The following CSF1R variants were observed in gnomAD, a reference collection of about 807,000 sequenced individuals.
The protein encoded by CSF1R is macrophage colony-stimulating factor 1 receptor.
In CSF1R, 40 loss-of-function variants were observed where a neutral mutation model predicts 110.0. The observed-to-expected ratio is 0.36, with a 90% CI of 0.28 to 0.47. CSF1R has a LOEUF of 0.47. Among genes scored for constraint, CSF1R ranks in the 20% least tolerant of loss-of-function variants. CSF1R has a pLI of 0.99. For synonymous variants in CSF1R, 523 were observed against 503.4 expected (o/e 1.04, Z -0.52); for missense variants, 1,052 against 1,253.0 (o/e 0.84, Z 2.42).
intron 9 of CSF1R, among the ~76,000 whole-genome samples, chr5:150,069,476 C>G (rs1757934098): frequency 6.6e-6 from 1 of 152,266 alleles, no homozygotes; most frequent in East Asian, 1.9e-4. Context: ...TGGACTGTTT[C>G]CTTGCTCATT....
chr5:150,054,922 T>G, intron 19 of CSF1R: 1 of 293,618 alleles, frequency 3.4e-6, no homozygotes, highest in Middle Eastern at 1.1e-3. Context: ...CCCTGAAGAT[T>G]GAGGCTGCAG....
rs868309340 is a variant in CSF1R at position 150,057,664 on chromosome 5, A to C, written c.2133-72T>G. The C allele has an allele frequency of 2.5e-5, 28 of 1,108,686 alleles. No individual in the cohort carries two copies. The Middle Eastern group carries it at 2.1e-3, about 83-fold the overall frequency. The allele number at this position is 1,108,686 out of a possible 1,614,324, so 68.7% of individuals were successfully genotyped here. A position where few individuals can be genotyped will look rare whatever the true frequency, so the allele number is the denominator to read the frequency against. On this transcript the variant is annotated intron_variant, in intron 14 of 20. Coordinates refer to ENST00000675795, the MANE Select transcript of CSF1R (RefSeq NM_001288705.3). The stretch of plus-strand genomic sequence containing the variant: ...GCACTGCTCAGCTCAGGCCTTGACC[A>C]CCCACCACCCCATGGTCAACTGGAA...
At chr5:150,098,458 G>A (rs1581346463) in intron 1 of CSF1R, 1 of 152,844 alleles carries the variant, frequency 6.5e-6, no homozygotes, top group Non-Finnish European at 1.5e-5. Flanking sequence ...CCAGTTACAG[G>A]TTTCTTTGTT....
intron 1 of CSF1R, among the ~76,000 whole-genome samples, chr5:150,093,283 T>G (rs550751943): frequency 3.3e-4 from 50 of 152,302 alleles, no homozygotes; most frequent in Non-Finnish European, 6.3e-4. Context: ...TTCACCATGT[T>G]GGCTAAGCTG....
intron 1 of CSF1R, 125 bp from the exon 2 acceptor site, chr5:150,081,149 C>A: frequency 9.5e-7 from 1 of 1,051,076 alleles, no homozygotes; most frequent in Non-Finnish European, 1.4e-6. Context: ...CCACCTTGAA[C>A]GAGCCCCTGC....
At position 150,057,229 on chromosome 5, in the gene CSF1R, C is replaced by T. The variant is rs577596858; in HGVS notation, c.2319+58G>A. ...TTCCTCCTCCCCATCGTCACTCATC[C>T]AGCCTCCCCGGAGCACAGACCTGGG... On this transcript the variant is annotated intron_variant, in intron 16 of 20. Coordinates refer to ENST00000675795, the MANE Select transcript of CSF1R (RefSeq NM_001288705.3). The T allele has an allele frequency of 2.0e-6, 3 of 1,492,482 alleles. No individual in the cohort carries two copies. The African/African-American group carries it at 4.1e-5, about 21-fold the overall frequency. 92.5% of individuals were successfully genotyped at this position (1,492,482 alleles called of 1,614,324 possible).
In CSF1R at chr5:150,059,743, C is replaced by T. The variant is rs758189628; in HGVS notation, c.2089G>A (p.Val697Ile). The T allele has an allele frequency of 3.7e-6, 6 of 1,614,176 alleles. No individual in the cohort carries two copies. The highest frequency in any genetic ancestry group is 1.7e-5 in the Admixed American group (1 of 60,026). ...LSPGQDPEGG[V>I]DYKNIHLEKK... ...TCGAGGTGGATGTTCTTATAGTCGA[C>T]GCCTCCCTCGGGGTCCTGGCCGGGG... Residue 697 changes from valine to isoleucine, a missense_variant, in exon 14 of 21, where the codon GTC becomes ATC. Around this residue, in one of 5 missense-constraint regions of CSF1R, gnomAD observed 124 missense variants for 117.7 expected, o/e 1.05. Coordinates refer to ENST00000675795, the MANE Select transcript of CSF1R (RefSeq NM_001288705.3).
At position 150,053,977 on chromosome 5, in the gene CSF1R, G is replaced by GGCAGA. The variant is rs1405780237; in HGVS notation, c.*87_*91dup. ...CGAGCTGTTGAGTGAAATGACCGAA[G>GGCAGA]GCAGAGTTTGTATGTTCTCCCCGTG... On this transcript the variant is annotated 3_prime_UTR_variant, in exon 21 of 21. Coordinates refer to ENST00000675795, the MANE Select transcript of CSF1R (RefSeq NM_001288705.3). The GGCAGA allele has an allele frequency of 5.3e-6, 7 of 1,311,458 alleles. No individual in the cohort carries two copies. Among genetic ancestry groups the GGCAGA allele is most frequent in the Non-Finnish European group, 7.5e-6 (7 of 932,194 alleles). 81.2% of individuals were successfully genotyped at this position (1,311,458 alleles called of 1,614,324 possible).
chr5:150,075,907 G>A (rs1202224923), intron 5 of CSF1R, among the ~76,000 whole-genome samples: 3 of 152,204 alleles, frequency 2.0e-5, no homozygotes, highest in Non-Finnish European at 4.4e-5. Flanking sequence ...ACAATCTGCT[G>A]CAAGTCCAGT....
intron 10 of CSF1R, among the ~76,000 whole-genome samples, chr5:150,067,452 C>G (rs1351255266): frequency 2.0e-5 from 3 of 152,228 alleles, no homozygotes; most frequent in Non-Finnish European, 4.4e-5. Context: ...CAGACTAATG[C>G]TAGCTGCATA....
intron 1 of CSF1R, among the ~76,000 whole-genome samples, chr5:150,108,403 G>C (rs1364108263): frequency 6.6e-6 from 1 of 152,140 alleles, no homozygotes; most frequent in Non-Finnish European, 1.5e-5. Context: ...AAGGTGGATG[G>C]ACCTTGGAGG....
upstream of CSF1R, among the ~76,000 whole-genome samples, chr5:150,087,827 G>A (rs1449562780): frequency 4.7e-5 from 7 of 150,418 alleles, no homozygotes; most frequent in East Asian, 3.9e-4. Flanking sequence ...TCCACCTCCC[G>A]GACTCAAGCC....
intron 1 of CSF1R, among the ~76,000 whole-genome samples, chr5:150,111,289 C>T (rs191066825): frequency 1.7e-3 from 256 of 152,094 alleles, no homozygotes; most frequent in African/African-American, 5.9e-3. Context: ...AGTGGGGTGG[C>T]GGAAGAATTG....
chr5:150,061,529 T>A lies in CSF1R; in HGVS notation c.1820A>T (p.Glu607Val). 1 of 1,477,292 alleles carries A rather than the reference T, an allele frequency of 6.8e-7. No homozygotes were observed. The highest frequency in any genetic ancestry group is 9.1e-7 in the Non-Finnish European group (1 of 1,095,854). 91.5% of individuals were successfully genotyped at this position (1,477,292 alleles called of 1,614,324 possible). ...CACAGCCACCTTCAGGACAGCATCCTCCTTGCCCAGACCAAAGGCCGTGGC... is the reference window on the plus strand; with the variant it reads ...CACAGCCACCTTCAGGACAGCATCCACCTTGCCCAGACCAAAGGCCGTGGC... ...VEATAFGLGK[E>V]DAVLKVAVKM... Residue 607 changes from glutamate to valine, a missense_variant, in exon 12 of 21, where the codon GAG becomes GTG. By Grantham distance (121) the Glu-to-Val change is moderately radical (BLOSUM62 -2). Around this residue, in one of 5 missense-constraint regions of CSF1R, gnomAD observed 76 missense variants for 133.6 expected, o/e 0.57. Coordinates refer to ENST00000675795, the MANE Select transcript of CSF1R (RefSeq NM_001288705.3).
At chr5:150,100,473 A>G (rs571315803) in intron 1 of CSF1R, among the ~76,000 whole-genome samples, 1 of 151,754 alleles carries the variant, frequency 6.6e-6, no homozygotes, top group South Asian at 2.1e-4. Flanking sequence ...AATTTCTTGT[A>G]TTTTTAGTGG....
intron 6 of CSF1R, among the ~76,000 whole-genome samples, chr5:150,071,366 T>A (rs1038404810): frequency 6.6e-6 from 1 of 152,094 alleles, no homozygotes; most frequent in Non-Finnish European, 1.5e-5. Flanking sequence ...TTTTAAAAAG[T>A]CCCCCAGTTC....
intron 1 of CSF1R, among the ~76,000 whole-genome samples, chr5:150,100,290 C>CTTTTTTT (rs752638971): frequency 0.029 from 2,600 of 89,342 alleles, 479 homozygotes; most frequent in Middle Eastern, 0.042. Flanking sequence ...ATTGGCTAAC[C>CTTTTTTT]TTTTTTTTTT....
chr5:150,102,975 G>C (rs1444668740), intron 1 of CSF1R, among the ~76,000 whole-genome samples: 1 of 152,156 alleles, frequency 6.6e-6, no homozygotes, highest in African/African-American at 2.4e-5. Flanking sequence ...GTTTAGGAAG[G>C]CTGAGCCATT....
At chr5:150,082,256 G>A (rs1758584496) in intron 1 of CSF1R, among the ~76,000 whole-genome samples, 1 of 152,214 alleles carries the variant, frequency 6.6e-6, no homozygotes, top group African/African-American at 2.4e-5. Flanking sequence ...GAGGGCTTTC[G>A]GTGAATTCAG....
Sources: allele counts gnomAD v4.1 joint callset (sites outside exome capture counted in the v4.1 genomes callset), GRCh38; gene constraint gnomAD v4.1.1; regional missense constraint gnomAD v4.1.1; transcripts MANE v1.5; gene names NCBI Gene and HGNC (gene_info 2026-07-23, HGNC 2026-07-21).